CFDP1: variants seen among roughly 807,000 people sequenced by gnomAD.
The protein encoded by CFDP1 is heterochromatin-stabilizing protein CFDP1.
In CFDP1, 31 loss-of-function variants were observed where a neutral mutation model predicts 40.1. The ratio of observed to expected loss-of-function variants is 0.77; its 90% CI spans 0.58 to 1.04. The LOEUF (loss-of-function observed/expected upper bound fraction) is 1.04, where lower values mean the gene tolerates loss of function less well. Among genes scored for constraint, CFDP1 ranks in the 50% least tolerant of loss-of-function variants. The pLI is 0.00. For synonymous variants in CFDP1, 167 were observed against 120.0 expected, an observed-to-expected ratio of 1.39 and a Z score of -2.56; for missense variants, 423 against 343.4, an observed-to-expected ratio of 1.23 and a Z score of -1.83.
chr16:75,431,634 G>A (rs937706351), intron 1 of CFDP1, among the ~76,000 whole-genome samples: 1 of 151,914 alleles, frequency 6.6e-6, no homozygotes, highest in Non-Finnish European at 1.5e-5. Context: ...GCGAGACACT[G>A]TCTCGAAAGA....
At chr16:75,402,121 A>C (rs1348252766) in intron 4 of CFDP1, among the ~76,000 whole-genome samples, 2 of 152,184 alleles carry the variant, frequency 1.3e-5, no homozygotes, top group Non-Finnish European at 2.9e-5. Flanking sequence ...CAGTATGCCT[A>C]GAACAACTCC....
At chr16:75,377,220 A>G (rs1252074232) in intron 5 of CFDP1, among the ~76,000 whole-genome samples, 1 of 152,226 alleles carries the variant, frequency 6.6e-6, no homozygotes, top group East Asian at 1.9e-4. Context: ...TAATGAACCT[A>G]CCTCCTGCCA....
At chr16:75,367,771 C>T (rs1456788918) in intron 5 of CFDP1, among the ~76,000 whole-genome samples, 27 of 129,506 alleles carry the variant, frequency 2.1e-4, no homozygotes, top group African/African-American at 4.4e-4. Flanking sequence ...CCAGCCTGGG[C>T]GACAGAGTGA....
rs2078703541 is a variant in CFDP1 at position 75,364,872 on chromosome 16, CAA to C, written c.650+30216_650+30217del. Among the ~76,000 whole-genome samples the C allele has an allele frequency of 2.7e-5, 4 of 148,710 alleles. No individual in the cohort carries two copies. The South Asian group carries it at 8.6e-4, about 32-fold the overall frequency. ...TATGGATATAAAGAAGTCCTCAGAC[CAA>C]AGAGTTTGAGAACCACTAAACATTT... On this transcript the variant is annotated intron_variant, in intron 5 of 6. Transcript: ENST00000283882.
rs546872715 is a variant in CFDP1 at position 75,298,290 on chromosome 16, A to T, written c.810-4248T>A. 3.3e-5 allele frequency among the ~76,000 whole-genome samples: 5 copies of T among 152,294 alleles called. No individual in the cohort carries two copies. In the East Asian group the frequency reaches 9.6e-4, roughly 29 times the overall value. ...AGGGATATTCAACCTGTATCTGGGA[A>T]CCCACCCTGCAGGAGGACAGAGGGC... On this transcript the variant is annotated intron_variant, in intron 6 of 6. Coordinates refer to ENST00000283882, the MANE Select transcript of CFDP1 (RefSeq NM_006324.3).
chr16:75,375,495 A>G lies in CFDP1; in HGVS notation c.650+19595T>C, dbSNP rs140798191. ...GATACCATTTCACACTTACCCAAAT[A>G]AAAAAGACTGACAAGGCTGGGCGCG... On this transcript the variant is annotated intron_variant, in intron 5 of 6. Coordinates refer to ENST00000283882, the MANE Select transcript of CFDP1 (RefSeq NM_006324.3). 4.6e-5 allele frequency among the ~76,000 whole-genome samples: 7 copies of G among 152,288 alleles called. No individual in the cohort carries two copies. The East Asian group carries it at 1.3e-3, about 29-fold the overall frequency.
intron 6 of CFDP1, 31 bp downstream of exon 6, chr16:75,304,993 T>G: frequency 6.2e-7 from 1 of 1,603,884 alleles, no homozygotes; most frequent in Non-Finnish European, 8.5e-7. Context: ...TTCTGAGGAT[T>G]TTCCAAGGCA....
At chr16:75,300,875 C>G (rs2151498475) in intron 6 of CFDP1, among the ~76,000 whole-genome samples, 1 of 151,964 alleles carries the variant, frequency 6.6e-6, no homozygotes, top group South Asian at 2.1e-4. Context: ...GATGACTGCC[C>G]AGGGCCCAGC....
chr16:75,401,591 C>T (rs2079055015), intron 4 of CFDP1, among the ~76,000 whole-genome samples: 4 of 152,018 alleles, frequency 2.6e-5, no homozygotes, highest in Admixed American at 2.6e-4. Context: ...CAAGGTGCGA[C>T]TCCGTCTCAG....
intron 5 of CFDP1, among the ~76,000 whole-genome samples, chr16:75,385,022 CTTAA>C (rs1435682428): frequency 6.6e-6 from 1 of 151,028 alleles, no homozygotes; most frequent in African/African-American, 2.4e-5. Context: ...TTAACTTATT[CTTAA>C]TTTATTTTTA....
chr16:75,303,502 G>GGCCC (rs768700594), intron 6 of CFDP1, among the ~76,000 whole-genome samples: 1 of 56,848 alleles, frequency 1.8e-5, no homozygotes, highest in Admixed American at 2.3e-4. Flanking sequence ...TTAGAAATAT[G>GGCCC]ACCCCCCCCA....
chr16:75,385,446 A>T (rs2078888493), intron 5 of CFDP1, among the ~76,000 whole-genome samples: 3 of 152,174 alleles, frequency 2.0e-5, no homozygotes, highest in Admixed American at 2.0e-4. Context: ...ATTTAAAACA[A>T]CAACAACAAC....
chr16:75,306,109 G>A (rs1042645689), intron 5 of CFDP1, among the ~76,000 whole-genome samples: 7 of 152,222 alleles, frequency 4.6e-5, no homozygotes, highest in African/African-American at 1.4e-4. Flanking sequence ...GAACTTGGAA[G>A]TTATTTTCCG....
chr16:75,378,383 G>C (rs2078821329), intron 5 of CFDP1, among the ~76,000 whole-genome samples: 2 of 152,032 alleles, frequency 1.3e-5, no homozygotes, highest in African/African-American at 4.8e-5. Context: ...GCTACTTGCT[G>C]AACACAAGCT....
chr16:75,338,516 A>G (rs766835259), intron 5 of CFDP1, among the ~76,000 whole-genome samples: 21 of 152,160 alleles, frequency 1.4e-4, no homozygotes, highest in African/African-American at 1.7e-4. Flanking sequence ...ACTGCAATGG[A>G]TATCAGAGCA....
intron 5 of CFDP1, chr16:75,380,195 T>G (rs772959093): frequency 1.3e-5 from 2 of 152,050 alleles, no homozygotes; most frequent in Non-Finnish European, 2.9e-5. Flanking sequence ...CCGATGAACT[T>G]CCATTTTAGG....
intron 1 of CFDP1, among the ~76,000 whole-genome samples, chr16:75,425,291 G>A (rs1247943918): frequency 1.3e-5 from 2 of 149,812 alleles, no homozygotes; most frequent in Admixed American, 6.7e-5. Context: ...GGAGGCTGAG[G>A]AAGGAGAATC....
intron 6 of CFDP1, among the ~76,000 whole-genome samples, chr16:75,300,057 C>T (rs982396973): frequency 2.0e-5 from 3 of 152,010 alleles, no homozygotes; most frequent in Non-Finnish European, 4.4e-5. Context: ...GGGTGTTCCG[C>T]AGGGAAGAGA....
At chr16:75,327,624 C>A (rs1326641546) in intron 5 of CFDP1, among the ~76,000 whole-genome samples, 1 of 152,038 alleles carries the variant, frequency 6.6e-6, no homozygotes, top group Non-Finnish European at 1.5e-5. Context: ...ACCATCCAGC[C>A]AATCAAATAT....
Sources: gnomAD v4.1 joint callset for allele counts (sites outside exome capture counted in the v4.1 genomes callset) on GRCh38, gnomAD v4.1.1 for gene constraint, MANE v1.5 for transcripts, NCBI Gene and HGNC (gene_info 2026-07-23, HGNC 2026-07-21) for gene names.